Variants in RASGRP3 observed in about 807,000 individuals in gnomAD.
RASGRP3 encodes ras guanyl-releasing protein 3.
In RASGRP3, 54 loss-of-function variants were observed where a neutral mutation model predicts 82.7. That is an observed-to-expected ratio of 0.65 (90% CI 0.52 to 0.82). The LOEUF (loss-of-function observed/expected upper bound fraction) is 0.82, where lower values mean the gene tolerates loss of function less well. RASGRP3 is among the 40% of genes least tolerant of loss of function. The pLI, the probability that RASGRP3 is intolerant of heterozygous loss-of-function variation, is 0.00. For synonymous variants in RASGRP3, 309 were observed against 300.5 expected (o/e 1.03, Z -0.29); for missense variants, 861 against 828.9 (o/e 1.04, Z -0.48).
intron 1 of RASGRP3, among the ~76,000 whole-genome samples, chr2:33,507,320 G>C (rs747420717): frequency 1.3e-5 from 2 of 152,074 alleles, no homozygotes; most frequent in African/African-American, 2.4e-5. Flanking sequence ...GCTTGAAAGT[G>C]GGGGGCAGAG....
rs74954621 is a variant in RASGRP3, at chr2:33,461,909, G to T, written c.-261+13966G>T. Among the ~76,000 whole-genome samples, 744 of 152,320 alleles carry T rather than the reference G, an allele frequency of 4.9e-3. 7 individuals carry two copies. The highest frequency in any genetic ancestry group is 0.015 in the African/African-American group (620 of 41,580). On this transcript the variant is annotated intron_variant, in intron 2 of 18. Coordinates refer to the RASGRP3 transcript ENST00000402538. ...AGGTTAAAAGCCCAGGCCTCACGAGGTTATAACCAAGAGGCTGTGATGGTT... is the reference window on the plus strand; with the variant it reads ...AGGTTAAAAGCCCAGGCCTCACGAGTTTATAACCAAGAGGCTGTGATGGTT...
intron 2 of RASGRP3, among the ~76,000 whole-genome samples, chr2:33,471,084 AT>A (rs1558412708): frequency 6.6e-6 from 1 of 152,110 alleles, no homozygotes; most frequent in East Asian, 1.9e-4. Context: ...TTGATTTGAG[AT>A]TTGAATTAAC....
At chr2:33,468,944 C>T (rs1261374759) in intron 2 of RASGRP3, among the ~76,000 whole-genome samples, 3 of 152,140 alleles carry the variant, frequency 2.0e-5, no homozygotes, top group East Asian at 3.8e-4. Flanking sequence ...AAATTATCTT[C>T]CTCCTATGTT....
intron 1 of RASGRP3, among the ~76,000 whole-genome samples, chr2:33,446,700 G>A (rs1297316645): frequency 6.6e-6 from 1 of 152,004 alleles, no homozygotes; most frequent in Non-Finnish European, 1.5e-5. Flanking sequence ...CCTCTAGGGT[G>A]GGGAAAAGGA....
At chr2:33,458,344 A>G (rs75909961) in intron 2 of RASGRP3, among the ~76,000 whole-genome samples, 2,601 of 151,970 alleles carry the variant, frequency 0.017, 34 homozygotes, top group Middle Eastern at 0.095. Context: ...ATAATTTATG[A>G]TTTTTTTTCT....
intron 2 of RASGRP3, among the ~76,000 whole-genome samples, chr2:33,468,902 C>G (rs1481716837): frequency 6.6e-6 from 1 of 152,116 alleles, no homozygotes; most frequent in Non-Finnish European, 1.5e-5. Flanking sequence ...AAAGGGTATT[C>G]ACATTTTAAA....
intron 2 of RASGRP3, among the ~76,000 whole-genome samples, chr2:33,464,366 C>T (rs1273094485): frequency 6.6e-6 from 1 of 150,930 alleles, no homozygotes; most frequent in Non-Finnish European, 1.5e-5. Flanking sequence ...GCAATCTACC[C>T]ACCTCAGCCT....
chr2:33,557,636 G>T (rs374780948), intron 15 of RASGRP3, among the ~76,000 whole-genome samples: 157 of 152,024 alleles, frequency 1.0e-3, no homozygotes, highest in African/African-American at 3.4e-3. Flanking sequence ...TGTGAACCCG[G>T]GAGGCGGAGC....
chr2:33,485,643 A>G (rs561858757), intron 1 of RASGRP3, among the ~76,000 whole-genome samples: 1 of 152,256 alleles, frequency 6.6e-6, no homozygotes, highest in African/African-American at 2.4e-5. Context: ...AAGAGGGACA[A>G]TCATATTCAT....
At chr2:33,455,258 C>A (rs576619698) in intron 2 of RASGRP3, among the ~76,000 whole-genome samples, 29 of 152,182 alleles carry the variant, frequency 1.9e-4, no homozygotes, top group Non-Finnish European at 3.8e-4. Context: ...TTAAGAAATT[C>A]ATGAAACAAA....
At chr2:33,515,384 T>G (rs779405453) in intron 3 of RASGRP3, among the ~76,000 whole-genome samples, 178 bp downstream of exon 3, 1 of 152,200 alleles carries the variant, frequency 6.6e-6, no homozygotes, top group Non-Finnish European at 1.5e-5. Context: ...TCTTTCCCTT[T>G]ACTGCCCACA....
intron 3 of RASGRP3, 46 bp downstream of exon 3, chr2:33,515,252 C>G: frequency 6.3e-7 from 1 of 1,592,698 alleles, no homozygotes; most frequent in Non-Finnish European, 8.6e-7. Flanking sequence ...TCTCGATGCT[C>G]TCACTTTCCT....
intron 15 of RASGRP3, among the ~76,000 whole-genome samples, chr2:33,557,414 A>G (rs1676110073): frequency 6.6e-6 from 1 of 152,210 alleles, no homozygotes; most frequent in African/African-American, 2.4e-5. Context: ...AGAAGAGTAA[A>G]AAAATCCAGA....
intron 10 of RASGRP3, among the ~76,000 whole-genome samples, chr2:33,529,321 C>T (rs1182859994): frequency 1.3e-5 from 2 of 150,956 alleles, no homozygotes; most frequent in Admixed American, 6.6e-5. Context: ...GGTGAAACGC[C>T]ATCTCTACTA....
intron 1 of RASGRP3, among the ~76,000 whole-genome samples, chr2:33,486,416 C>A (rs1347423031): frequency 6.6e-6 from 1 of 152,138 alleles, no homozygotes; most frequent in Non-Finnish European, 1.5e-5. Context: ...GATCTGCCCA[C>A]CTCGGCCTCC....
chr2:33,534,396 A>T lies in RASGRP3; in HGVS notation c.1157A>T (p.Lys386Ile), dbSNP rs1264233996. The part of the protein sequence containing the change: ...LSLVLEPRNS[K>I]SQPTSPTTPN... Reference sequence around the variant, plus strand: ...CTGGTGCTGGAGCCTAGAAATTCTAAATCGGTAGGTATTATTTTCTCTCCA... The same window carrying T: ...CTGGTGCTGGAGCCTAGAAATTCTATATCGGTAGGTATTATTTTCTCTCCA... The change falls in exon 11 of 18, where the codon AAA becomes ATA. Residue 386 changes from lysine to isoleucine, a missense_variant. By Grantham distance (102) the Lys-to-Ile change is moderately radical. Coordinates refer to ENST00000403687, the MANE Select transcript of RASGRP3 (RefSeq NM_001139488.2). 2.6e-6 allele frequency: 4 copies of T among 1,543,886 alleles called. No individual in the cohort carries two copies. The South Asian group carries it at 4.6e-5, about 18-fold the overall frequency.
At chr2:33,527,805 T>G (rs577034881) in intron 10 of RASGRP3, among the ~76,000 whole-genome samples, 1 of 152,248 alleles carries the variant, frequency 6.6e-6, no homozygotes, top group East Asian at 1.9e-4. Context: ...AAGCCTGGAG[T>G]AATGCAAGGA....
chr2:33,530,213 T>G (rs989502086), intron 10 of RASGRP3, among the ~76,000 whole-genome samples: 4 of 152,148 alleles, frequency 2.6e-5, no homozygotes, highest in African/African-American at 9.7e-5. Context: ...GGACTCTAAA[T>G]TTTCTCCTGA....
chr2:33,471,524 G>C (rs529140661), intron 2 of RASGRP3, among the ~76,000 whole-genome samples: 1 of 151,592 alleles, frequency 6.6e-6, no homozygotes, highest in Admixed American at 6.6e-5. Flanking sequence ...TACGTATGAA[G>C]TTAGTCTGTG....
Sources: gnomAD v4.1 joint callset for allele counts (sites outside exome capture counted in the v4.1 genomes callset) on GRCh38, gnomAD v4.1.1 for gene constraint, MANE v1.5 for transcripts, NCBI Gene and HGNC (gene_info 2026-07-23, HGNC 2026-07-21) for gene names.